CDH6: variants seen among roughly 807,000 people sequenced by gnomAD.
CDH6 encodes cadherin-6.
Under a neutral mutation model 78.0 loss-of-function variants are expected in CDH6, and 31 were observed. The observed-to-expected ratio is 0.40, with a 90% CI of 0.30 to 0.54. CDH6 has a LOEUF of 0.54. Among genes scored for constraint, CDH6 ranks in the 20% least tolerant of loss-of-function variants. CDH6 has a pLI of 0.56. For missense variants in CDH6, 724 were observed against 975.9 expected (o/e 0.74, Z 3.44); for synonymous variants, 376 against 368.8 (o/e 1.02, Z -0.23).
intron 11 of CDH6, chr5:31,319,130 A>T (rs925471135): frequency 5.6e-6 from 1 of 178,128 alleles, no homozygotes; most frequent in Non-Finnish European, 1.2e-5. Context: ...GTGATTTTTT[A>T]GAAGCCTTGG....
At chr5:31,217,338 G>T (rs1438292743) in intron 1 of CDH6, among the ~76,000 whole-genome samples, 1 of 151,978 alleles carries the variant, frequency 6.6e-6, no homozygotes, top group East Asian at 1.9e-4. Flanking sequence ...TAAAACAAAG[G>T]TTATTCAAAA....
intron 2 of CDH6, among the ~76,000 whole-genome samples, chr5:31,272,222 G>A (rs1362425792): frequency 3.9e-5 from 6 of 152,192 alleles, no homozygotes; most frequent in Non-Finnish European, 8.8e-5. Context: ...GAAAGCTGGA[G>A]TTCAAAGAGT....
intron 9 of CDH6, 28 bp from the exon 10 acceptor site, chr5:31,317,347 T>TA (rs753228300): frequency 1.8e-6 from 2 of 1,092,132 alleles, no homozygotes. Context: ...ATCAAAATTT[T>TA]ATGGCAGCGT....
intron 2 of CDH6, among the ~76,000 whole-genome samples, chr5:31,283,769 G>T (rs1742930132): frequency 6.6e-6 from 1 of 151,984 alleles, no homozygotes; most frequent in Admixed American, 6.6e-5. Context: ...TATGAAGGCA[G>T]CCTGATCCCA....
Position 31,284,490 on chromosome 5 carries a change from C to T in CDH6, c.229-9472C>T, listed in dbSNP as rs145121713. The stretch of plus-strand genomic sequence containing the variant: ...TGGGTTTTTCCCACTTGCCCTGGGG[C>T]GATCACGTGGTGAGGGAGAAGCCCT... On this transcript the variant is annotated intron_variant, in intron 2 of 11. Transcript: ENST00000265071. 7.9e-5 allele frequency among the ~76,000 whole-genome samples: 12 copies of T among 152,312 alleles called. No homozygotes were observed. In the East Asian group the frequency reaches 9.7e-4, roughly 12 times the overall value.
chr5:31,293,205 G>T (rs1043070602), intron 2 of CDH6, among the ~76,000 whole-genome samples: 3 of 151,820 alleles, frequency 2.0e-5, no homozygotes, highest in African/African-American at 7.3e-5. Context: ...TCAATTTTAG[G>T]TTGGCTCTAA....
At chr5:31,286,923 T>C (rs1423587368) in intron 2 of CDH6, among the ~76,000 whole-genome samples, 1 of 152,026 alleles carries the variant, frequency 6.6e-6, no homozygotes, top group Admixed American at 6.5e-5. Flanking sequence ...GCTTAATGAA[T>C]GTGGGGATAG....
Position 31,221,039 on chromosome 5 carries a change from C to T in CDH6, c.-129+27153C>T, listed in dbSNP as rs76291996. Among the ~76,000 whole-genome samples, 23 of 152,284 alleles carry T rather than the reference C, an allele frequency of 1.5e-4. 1 individual carries two copies. The East Asian group carries it at 4.1e-3, about 27-fold the overall frequency. On this transcript the variant is annotated intron_variant, in intron 1 of 11. Transcript: ENST00000265071. ...GGATACAGGCTGTTCAGGGGGGAGACATTTAAATAGAAACCATGTAGTTTG... is the reference window on the plus strand; with the variant it reads ...GGATACAGGCTGTTCAGGGGGGAGATATTTAAATAGAAACCATGTAGTTTG...
At position 31,302,798 on chromosome 5, in the gene CDH6, G is replaced by GAGAGAA. The variant is rs1282911479; in HGVS notation, c.999+503_999+504insGAAAGA. On this transcript the variant is annotated intron_variant, in intron 6 of 11. Coordinates refer to ENST00000265071, the MANE Select transcript of CDH6 (RefSeq NM_004932.4). ...GAAGAAAGAGAGAGAGAGAGAGAGA[G>GAGAGAA]AGAAAGAAAGAAAGAAAGAAAGAAA... Among the ~76,000 whole-genome samples the GAGAGAA allele has an allele frequency of 2.5e-4, 9 of 36,606 alleles. 1 individual carries two copies. The highest frequency in any genetic ancestry group is 1.1e-3 in the Admixed American group (3 of 2,762). The allele number at this position is 36,606 out of a possible 152,430, so 24.0% of individuals were successfully genotyped here.
At chr5:31,246,081 T>C (rs1028015532) in intron 1 of CDH6, among the ~76,000 whole-genome samples, 1 of 151,872 alleles carries the variant, frequency 6.6e-6, no homozygotes, top group African/African-American at 2.4e-5. Context: ...CTAAATTTTT[T>C]TTGTATTTTT....
chr5:31,306,533 G>C (rs1459581026), intron 7 of CDH6, among the ~76,000 whole-genome samples: 1 of 152,168 alleles, frequency 6.6e-6, no homozygotes, highest in African/African-American at 2.4e-5. Flanking sequence ...ACTTTGGGAG[G>C]CCAAGGTGGG....
At chr5:31,268,794 T>C (rs1742436585) in intron 2 of CDH6, among the ~76,000 whole-genome samples, 1 of 152,206 alleles carries the variant, frequency 6.6e-6, no homozygotes, top group South Asian at 2.1e-4. Flanking sequence ...TGAATAACCA[T>C]ATGTAAATAT....
At chr5:31,195,167 C>T (rs1740127397) in intron 1 of CDH6, among the ~76,000 whole-genome samples, 1 of 151,990 alleles carries the variant, frequency 6.6e-6, no homozygotes, top group African/African-American at 2.4e-5. Flanking sequence ...ACTTTCACTT[C>T]GTAAAGCACA....
chr5:31,211,409 A>G (rs12655683), intron 1 of CDH6, among the ~76,000 whole-genome samples: 10,246 of 151,402 alleles, frequency 0.068, 661 homozygotes, highest in East Asian at 0.38. Context: ...AAAAAAAAAA[A>G]TGTTCTTCAA....
At chr5:31,261,781 T>A (rs16900795) in intron 1 of CDH6, among the ~76,000 whole-genome samples, 17,558 of 152,084 alleles carry the variant, frequency 0.12, 1,847 homozygotes, top group African/African-American at 0.28. Flanking sequence ...TTGAACGTAA[T>A]TATATTGCTT....
At chr5:31,290,985 A>C (rs557492374) in intron 2 of CDH6, among the ~76,000 whole-genome samples, 49 of 152,172 alleles carry the variant, frequency 3.2e-4, no homozygotes, top group Non-Finnish European at 6.5e-4. Context: ...TTGTTCTATA[A>C]GTCATCGAAA....
chr5:31,203,117 A>T lies in CDH6; in HGVS notation c.-129+9231A>T, dbSNP rs574685596. ...AGTAGAGATATTGTCAGTGTTTCAT[A>T]AAAGATTAATTCTATTAGTGTGGCC... On this transcript the variant is annotated intron_variant, in intron 1 of 11. Coordinates refer to ENST00000265071, the MANE Select transcript of CDH6 (RefSeq NM_004932.4). Among the ~76,000 whole-genome samples, 79 of 152,228 alleles carry T rather than the reference A, an allele frequency of 5.2e-4. 1 individual carries two copies. The South Asian group carries it at 0.016, about 31-fold the overall frequency.
intron 2 of CDH6, among the ~76,000 whole-genome samples, chr5:31,268,475 T>G (rs555899296): frequency 6.6e-6 from 1 of 152,316 alleles, no homozygotes; most frequent in Non-Finnish European, 1.5e-5. Context: ...ATCGTGAGTT[T>G]CGTTGGAATT....
intron 2 of CDH6, among the ~76,000 whole-genome samples, chr5:31,283,243 A>G (rs1742910577): frequency 6.6e-6 from 1 of 152,208 alleles, no homozygotes; most frequent in Non-Finnish European, 1.5e-5. Flanking sequence ...ATGCCAATAG[A>G]GCAGAGACTG....
Sources: gnomAD v4.1 joint callset for allele counts (sites outside exome capture counted in the v4.1 genomes callset) on GRCh38, gnomAD v4.1.1 for gene constraint, MANE v1.5 for transcripts, NCBI Gene and HGNC (gene_info 2026-07-23, HGNC 2026-07-21) for gene names.